MEOX2: variants seen among roughly 807,000 people sequenced by gnomAD.
MEOX2 encodes the protein homeobox protein MOX-2.
MEOX2 carries 11 observed loss-of-function variants against 27.0 expected under a neutral mutation model. The ratio of observed to expected loss-of-function variants is 0.41; its 90% CI spans 0.26 to 0.68. The LOEUF (loss-of-function observed/expected upper bound fraction) is 0.68, where lower values mean the gene tolerates loss of function less well. Ranked by LOEUF, MEOX2 falls within the 30% of genes least tolerant of loss-of-function variation. The pLI, the probability that MEOX2 is intolerant of heterozygous loss-of-function variation, is 0.33. For missense variants in MEOX2, 436 were observed against 385.4 expected (o/e 1.13, Z -1.10); for synonymous variants, 189 against 155.4 (o/e 1.22, Z -1.61).
At chr7:15,624,032 A>T (rs1430468495) in intron 2 of MEOX2, among the ~76,000 whole-genome samples, 1 of 152,264 alleles carries the variant, frequency 6.6e-6, no homozygotes, top group Non-Finnish European at 1.5e-5. Context: ...TTTCATACCC[A>T]TTATGATATA....
At chr7:15,657,155 T>G (rs1781835055) in intron 1 of MEOX2, among the ~76,000 whole-genome samples, 1 of 152,182 alleles carries the variant, frequency 6.6e-6, no homozygotes, top group African/African-American at 2.4e-5. Context: ...TTGACTGTGA[T>G]GCGTTTAGTG....
chr7:15,679,665 C>T (rs1026026662), intron 1 of MEOX2: 2 of 151,762 alleles, frequency 1.3e-5, no homozygotes, highest in Admixed American at 6.6e-5. Context: ...TCAAGGTACA[C>T]AAACATTTTA....
intron 1 of MEOX2, among the ~76,000 whole-genome samples, chr7:15,665,945 G>A (rs1035626086): frequency 6.6e-6 from 1 of 151,956 alleles, no homozygotes; most frequent in African/African-American, 2.4e-5. Context: ...GGTTTTAGGG[G>A]TGCCACTTTC....
intron 1 of MEOX2, among the ~76,000 whole-genome samples, chr7:15,651,485 G>T (rs1409960095): frequency 6.6e-6 from 1 of 151,936 alleles, no homozygotes; most frequent in African/African-American, 2.4e-5. Context: ...CAGGGTTCTT[G>T]ATATTGACAT....
intron 1 of MEOX2, among the ~76,000 whole-genome samples, chr7:15,627,674 T>C (rs1781335135): frequency 6.6e-6 from 1 of 152,054 alleles, no homozygotes. Context: ...TTTGAGTATA[T>C]CATTCCATTT....
At chr7:15,657,619 T>C (rs1383239849) in intron 1 of MEOX2, among the ~76,000 whole-genome samples, 4 of 152,200 alleles carry the variant, frequency 2.6e-5, no homozygotes, top group Non-Finnish European at 4.4e-5. Flanking sequence ...TCCAAGCATG[T>C]TTGTACTTAA....
chr7:15,640,254 T>TTG (rs34600761), intron 1 of MEOX2, among the ~76,000 whole-genome samples: 20,373 of 145,876 alleles, frequency 0.14, 1,786 homozygotes, highest in African/African-American at 0.25. Context: ...GTGTGTGTGT[T>TTG]TGTGTGTGTG....
At chr7:15,664,651 A>AC (rs1781970205) in intron 1 of MEOX2, among the ~76,000 whole-genome samples, 1 of 152,184 alleles carries the variant, frequency 6.6e-6, no homozygotes, top group African/African-American at 2.4e-5. Context: ...TGGGTGGGGG[A>AC]CACAACCCTC....
At chr7:15,627,826 CG>C (rs1205793147) in intron 1 of MEOX2, among the ~76,000 whole-genome samples, 4 of 151,668 alleles carry the variant, frequency 2.6e-5, no homozygotes, top group African/African-American at 9.7e-5. Context: ...CACACACACA[CG>C]TCAAGTAAAA....
At chr7:15,667,119 G>A (rs999398176) in intron 1 of MEOX2, among the ~76,000 whole-genome samples, 2 of 150,540 alleles carry the variant, frequency 1.3e-5, no homozygotes, top group Non-Finnish European at 3.0e-5. Flanking sequence ...GTGAAACCCC[G>A]TCTCTACTAA....
chr7:15,643,922 G>T (rs1781602496), intron 1 of MEOX2, among the ~76,000 whole-genome samples: 1 of 152,176 alleles, frequency 6.6e-6, no homozygotes, highest in Admixed American at 6.5e-5. Flanking sequence ...TGGGGTTGGT[G>T]AGCTGCTCCC....
In MEOX2 at chr7:15,686,191, TGG is replaced by T. The variant is rs781724548; in HGVS notation, c.210_211del (p.His70GlnfsTer133). ...GTGGTGATGGTGGTGGTGGTGGTGG[TGG>T]TGGTGGTGCCCCCTGTGATGCTGGC... On this transcript the variant is annotated frameshift_variant, in exon 1 of 3. Transcript: ENST00000262041. LOFTEE classifies it high-confidence loss of function. The T allele has an allele frequency of 1.3e-6, 2 of 1,598,336 alleles. No homozygotes were observed. Among genetic ancestry groups the T allele is most frequent in the East Asian group, 2.3e-5 (1 of 44,186 alleles).
chr7:15,641,169 A>G (rs1020218400), intron 1 of MEOX2, among the ~76,000 whole-genome samples: 1 of 151,794 alleles, frequency 6.6e-6, no homozygotes, highest in African/African-American at 2.4e-5. Context: ...TAATTGGTAG[A>G]TGTTTTTTAT....
At position 15,612,319 on chromosome 7, in the gene MEOX2, C is replaced by A; in HGVS notation, c.*68G>T. On this transcript the variant is annotated 3_prime_UTR_variant, in exon 3 of 3. Transcript: ENST00000262041. Reference sequence around the variant, plus strand: ...TGCCATAGTCATCTCTCTGTGTAAACGATATTTGGGTAAGGCTTGCCATCA... The same window carrying A: ...TGCCATAGTCATCTCTCTGTGTAAAAGATATTTGGGTAAGGCTTGCCATCA... The A allele has an allele frequency of 8.1e-7, 1 of 1,239,204 alleles. No homozygotes were observed. Among genetic ancestry groups the A allele is most frequent in the Non-Finnish European group, 1.2e-6 (1 of 842,622 alleles). The allele number at this position is 1,239,204 out of a possible 1,614,324, so 76.8% of individuals were successfully genotyped here. A position where few individuals can be genotyped will look rare whatever the true frequency, so the allele number is the denominator to read the frequency against.
chr7:15,618,536 A>G (rs1318565023), intron 2 of MEOX2, among the ~76,000 whole-genome samples: 2 of 152,000 alleles, frequency 1.3e-5, no homozygotes, highest in African/African-American at 4.8e-5. Context: ...TGGCAACATA[A>G]TACCATCAAT....
Position 15,612,359 on chromosome 7 carries a change from T to G in MEOX2, c.*28A>C. 8 of 1,577,916 alleles carry G rather than the reference T, an allele frequency of 5.1e-6. No individual in the cohort carries two copies. Among genetic ancestry groups the G allele is most frequent in the Non-Finnish European group, 7.0e-6 (8 of 1,147,892 alleles). On this transcript the variant is annotated 3_prime_UTR_variant, in exon 3 of 3. Coordinates refer to ENST00000262041, the MANE Select transcript of MEOX2 (RefSeq NM_005924.5). ...GCTTGCCATCACAACATTTCTTTCC[T>G]GAGAATGGAGCTGGTCCTCTGTTTA...
At position 15,674,627 on chromosome 7, in the gene MEOX2, A is replaced by C. The variant is rs367968938; in HGVS notation, c.517+11259T>G. The stretch of plus-strand genomic sequence containing the variant: ...TTGTCTTTAGAAAACAAAAGGAAAA[A>C]AGTTATGGAATAATTAACTGTATTT... On this transcript the variant is annotated intron_variant, in intron 1 of 2. Coordinates refer to ENST00000262041, the MANE Select transcript of MEOX2 (RefSeq NM_005924.5). Among the ~76,000 whole-genome samples, 4 of 151,930 alleles carry C rather than the reference A, an allele frequency of 2.6e-5. No homozygotes were observed. In the East Asian group the frequency reaches 5.8e-4, roughly 22 times the overall value.
At chr7:15,667,289 C>CAAAAAAAAAAAAAAAAAAAAAAAAAAAAA (rs532691969) in intron 1 of MEOX2, among the ~76,000 whole-genome samples, 1 of 40,980 alleles carries the variant, frequency 2.4e-5, no homozygotes, top group Non-Finnish European at 4.1e-5. Flanking sequence ...GACTCTGTCT[C>CAAAAAAAAAAAAAAAAAAAAAAAAAAAAA]AAAAAAAAAA....
At chr7:15,663,986 A>C (rs1012315161) in intron 1 of MEOX2, among the ~76,000 whole-genome samples, 1 of 152,244 alleles carries the variant, frequency 6.6e-6, no homozygotes, top group Non-Finnish European at 1.5e-5. Context: ...AAGTTTATCA[A>C]ATCTTGAGAG....
Sources: allele counts gnomAD v4.1 joint callset (sites outside exome capture counted in the v4.1 genomes callset), GRCh38; gene constraint gnomAD v4.1.1; transcripts MANE v1.5; gene names NCBI Gene and HGNC (gene_info 2026-07-23, HGNC 2026-07-21).